The following CEP350 variants were observed in gnomAD, a reference collection of about 807,000 sequenced individuals.
The protein encoded by CEP350 is centrosome-associated protein 350.
A neutral mutation model predicts 331.8 loss-of-function variants in CEP350; 126 were observed. The ratio of observed to expected loss-of-function variants is 0.38; its 90% confidence interval spans 0.33 to 0.44. CEP350 has a LOEUF of 0.44. CEP350 is among the 20% of genes least tolerant of loss of function. The pLI, the probability that CEP350 is intolerant of heterozygous loss-of-function variation, is 1.00. For missense variants in CEP350, 3,406 were observed against 3,634.6 expected (o/e 0.94, Z 1.62); for synonymous variants, 1,200 against 1,259.5 (o/e 0.95, Z 1.00).
chr1:180,023,736 T>C (rs1240517042), intron 13 of CEP350, among the ~76,000 whole-genome samples: 1 of 152,202 alleles, frequency 6.6e-6, no homozygotes, highest in Non-Finnish European at 1.5e-5. Context: ...AGTCACATAG[T>C]AAGTGAATCA....
Position 180,093,639 on chromosome 1 carries a change from A to G in CEP350, c.7534A>G (p.Ile2512Val), listed in dbSNP as rs1571990872. 1.9e-6 allele frequency: 3 copies of G among 1,613,986 alleles called. No homozygotes were observed. The highest frequency in any genetic ancestry group is 2.2e-5 in the East Asian group (1 of 44,882). ...GTTGATTGGAAATGTTCAGCCAGGA[A>G]TTCTTCGATTCAAAGGTGAGACTAG... ...RVLIGNVQPG[I>V]LRFKGETSFA... Residue 2512 changes from isoleucine (I) to valine (V), a missense_variant, in exon 34 of 38, where the codon ATT becomes GTT. Ile to Val is a conservative substitution (Grantham distance 29). Coordinates refer to ENST00000367607, the MANE Select transcript of CEP350 (RefSeq NM_014810.5).
At chr1:180,041,898 G>T (rs1656783839) in intron 19 of CEP350, 96 bp downstream of exon 19, 2 of 1,165,562 alleles carry the variant, frequency 1.7e-6, no homozygotes, top group East Asian at 2.6e-5. Flanking sequence ...CTTAGTAAAT[G>T]CATACTTTGA....
chr1:180,061,800 A>G (rs1004261982), intron 25 of CEP350, among the ~76,000 whole-genome samples: 3 of 152,228 alleles, frequency 2.0e-5, no homozygotes, highest in Non-Finnish European at 4.4e-5. Flanking sequence ...TGAAACAGCT[A>G]TGGGCATTAA....
At chr1:180,071,352 A>G (rs1658880149) in intron 27 of CEP350, among the ~76,000 whole-genome samples, 1 of 145,656 alleles carries the variant, frequency 6.9e-6, no homozygotes, top group Non-Finnish European at 1.5e-5. Flanking sequence ...CCAGCTACTC[A>G]AGAGGCTGAG....
At chr1:179,966,307 G>A (rs539787681) in intron 1 of CEP350, among the ~76,000 whole-genome samples, 1 of 152,230 alleles carries the variant, frequency 6.6e-6, no homozygotes, top group African/African-American at 2.4e-5. Flanking sequence ...TGATTTGGGA[G>A]CCCTCATTTT....
chr1:180,101,427 G>T (rs1660801808), intron 37 of CEP350, among the ~76,000 whole-genome samples: 3 of 151,932 alleles, frequency 2.0e-5, no homozygotes, highest in Admixed American at 2.0e-4. Context: ...CATTTTAGGG[G>T]GATTGAGATT....
intron 14 of CEP350, among the ~76,000 whole-genome samples, chr1:180,025,441 G>C (rs1181294415): frequency 6.6e-6 from 1 of 152,122 alleles, no homozygotes; most frequent in African/African-American, 2.4e-5. Flanking sequence ...ATTTTTGAGT[G>C]ATTGAGATGC....
At chr1:179,971,021 T>A (rs1651407910) in intron 1 of CEP350, among the ~76,000 whole-genome samples, 1 of 150,654 alleles carries the variant, frequency 6.6e-6, no homozygotes, top group African/African-American at 2.5e-5. Context: ...AACTTTTTGT[T>A]GTTGTTGTTT....
intron 37 of CEP350, among the ~76,000 whole-genome samples, chr1:180,099,676 G>A (rs1468730615): frequency 3.3e-5 from 5 of 151,106 alleles, no homozygotes; most frequent in African/African-American, 1.2e-4. Flanking sequence ...ATTTATCACC[G>A]TTCTCATGTA....
chr1:180,033,250 G>T (rs969237161), intron 15 of CEP350, among the ~76,000 whole-genome samples: 1 of 152,066 alleles, frequency 6.6e-6, no homozygotes, highest in African/African-American at 2.4e-5. Context: ...TGAATTAAAT[G>T]CCTTAAGAGT....
At chr1:179,977,466 T>G (rs977047641) in intron 1 of CEP350, among the ~76,000 whole-genome samples, 3 of 152,166 alleles carry the variant, frequency 2.0e-5, no homozygotes, top group Admixed American at 6.5e-5. Flanking sequence ...GAGCAGAGTA[T>G]ACACAGAGGA....
intron 1 of CEP350, among the ~76,000 whole-genome samples, chr1:179,979,632 C>G (rs1652130724): frequency 6.6e-6 from 1 of 151,742 alleles, no homozygotes; most frequent in African/African-American, 2.4e-5. Context: ...AGACCAGTGC[C>G]CTGAACTGTT....
chr1:180,030,187 CTTTAAAG>C (rs1215787971), intron 14 of CEP350, among the ~76,000 whole-genome samples: 1 of 146,312 alleles, frequency 6.8e-6, no homozygotes, highest in African/African-American at 2.5e-5. Context: ...CCATATATAT[CTTTAAAG>C]TTTAACTTTA....
chr1:180,094,184 A>C lies in CEP350; in HGVS notation c.8079A>C (p.Glu2693Asp), dbSNP rs1296725986. ...DDTLDNTFSE[E>D]LEKQQQFTEE... ...CTTTAGACAATACCTTTTCCGAAGA[A>C]TTGGAGAAGCAACAGCAGTTTACAG... Residue 2693 changes from glutamate to aspartate, a missense_variant, in exon 34 of 38, where the codon GAA (glutamate) becomes GAC (aspartate). Transcript: ENST00000367607. 1 of 1,613,360 alleles carries C rather than the reference A, an allele frequency of 6.2e-7. No individual in the cohort carries two copies. Among genetic ancestry groups the C allele is most frequent in the Admixed American group, 1.7e-5 (1 of 59,900 alleles).
At chr1:179,979,065 T>C (rs1652081947) in intron 1 of CEP350, among the ~76,000 whole-genome samples, 1 of 152,186 alleles carries the variant, frequency 6.6e-6, no homozygotes, top group African/African-American at 2.4e-5. Flanking sequence ...ACCGATATTC[T>C]TTCCCTTGGA....
Position 180,015,880 on chromosome 1 carries a change from C to A in CEP350, c.2084C>A (p.Ser695Tyr). 1 of 1,613,852 alleles carries A rather than the reference C, an allele frequency of 6.2e-7. No homozygotes were observed. The highest frequency in any genetic ancestry group is 8.5e-7 in the Non-Finnish European group (1 of 1,179,826). ...AKPGYQPSGE[S>Y]DKENKVQERP... Reference sequence around the variant, plus strand: ...CCAGGGTATCAGCCATCTGGAGAATCTGACAAAGAAAACAAAGTACAGGAA... The same window carrying A: ...CCAGGGTATCAGCCATCTGGAGAATATGACAAAGAAAACAAAGTACAGGAA... The change falls in exon 11 of 38, where the codon TCT (serine) becomes TAT (tyrosine). Residue 695 changes from serine (S) to tyrosine (Y), a missense_variant. This residue lies in a region of CEP350 where 1,857 missense variants were observed against 1,909.2 expected (regional missense o/e 0.97). Transcript: ENST00000367607.
chr1:180,070,721 T>C (rs1413231052), intron 27 of CEP350, among the ~76,000 whole-genome samples: 2 of 152,224 alleles, frequency 1.3e-5, no homozygotes, highest in African/African-American at 4.8e-5. Flanking sequence ...CCTAAATTGA[T>C]GACTTAAAGT....
chr1:179,978,761 C>A (rs1438016463), intron 1 of CEP350, among the ~76,000 whole-genome samples: 1 of 151,810 alleles, frequency 6.6e-6, no homozygotes, highest in Non-Finnish European at 1.5e-5. Flanking sequence ...ATATATTTTT[C>A]TTTTCTTTTT....
At chr1:180,070,737 T>G (rs1245214442) in intron 27 of CEP350, among the ~76,000 whole-genome samples, 1 of 152,232 alleles carries the variant, frequency 6.6e-6, no homozygotes, top group Non-Finnish European at 1.5e-5. Context: ...AAAGTTATCT[T>G]CATTAGAAAC....
Sources: gnomAD v4.1 joint callset for allele counts (sites outside exome capture counted in the v4.1 genomes callset) on GRCh38, gnomAD v4.1.1 for gene constraint, gnomAD v4.1.1 regional missense constraint, MANE v1.5 for transcripts, NCBI Gene and HGNC (gene_info 2026-07-23, HGNC 2026-07-21) for gene names.